SESN1: variants seen among roughly 807,000 people sequenced by gnomAD.
SESN1 encodes sestrin 1, also known as sestrin-1.
Under a neutral mutation model 59.3 loss-of-function variants are expected in SESN1, and 30 were observed. That is an observed-to-expected ratio of 0.51 (90% CI 0.38 to 0.69). The LOEUF (loss-of-function observed/expected upper bound fraction) is 0.69, where lower values mean the gene tolerates loss of function less well. Ranked by LOEUF, SESN1 falls within the 30% of genes least tolerant of loss-of-function variation. SESN1 has a pLI of 0.00. For synonymous variants in SESN1, 197 were observed against 219.9 expected (o/e 0.90, Z 0.92); for missense variants, 566 against 673.0 (o/e 0.84, Z 1.76).
chr6:109,036,319 G>A (rs889271425), intron 1 of SESN1, among the ~76,000 whole-genome samples: 6 of 152,198 alleles, frequency 3.9e-5, no homozygotes, highest in African/African-American at 1.4e-4. Context: ...ATTTGTCTGA[G>A]TGAAAAAGTA....
intron 1 of SESN1, among the ~76,000 whole-genome samples, chr6:109,054,441 T>A (rs1191964114): frequency 2.0e-5 from 3 of 152,176 alleles, no homozygotes; most frequent in Non-Finnish European, 2.9e-5. Context: ...AGAGCTCTAT[T>A]GTGAAGAAAT....
intron 5 of SESN1, among the ~76,000 whole-genome samples, chr6:108,994,820 G>A (rs574820380): frequency 1.1e-4 from 16 of 149,952 alleles, no homozygotes; most frequent in African/African-American, 3.4e-4. Flanking sequence ...CTCCTGCCTC[G>A]GCCTCCCGAG....
At position 108,985,623 on chromosome 6, in the gene SESN1, G is replaced by A. The variant is rs1352278148; in HGVS notation, c.*1921C>T. On this transcript the variant is annotated 3_prime_UTR_variant, in exon 10 of 10. Coordinates refer to ENST00000436639, the MANE Select transcript of SESN1 (RefSeq NM_014454.3). ...GATTTCAATTTCTAAGTGATTATAA[G>A]TTCCAGTGGACTAAATGCATTCTAG... Among the ~76,000 whole-genome samples, 1 of 152,156 alleles carries A rather than the reference G, an allele frequency of 6.6e-6. No individual in the cohort carries two copies. The highest frequency in any genetic ancestry group is 2.4e-5 in the African/African-American group (1 of 41,420).
At chr6:109,044,709 G>A (rs940072108) in intron 1 of SESN1, among the ~76,000 whole-genome samples, 11 of 151,846 alleles carry the variant, frequency 7.2e-5, no homozygotes, top group African/African-American at 2.7e-4. Flanking sequence ...CAGACATCTC[G>A]AATCAAAAAA....
chr6:109,021,079 G>A (rs758642273), intron 1 of SESN1, among the ~76,000 whole-genome samples: 3 of 151,944 alleles, frequency 2.0e-5, no homozygotes, highest in Non-Finnish European at 2.9e-5. Context: ...CAGCAGCCTC[G>A]AACTCTTGGG....
intron 1 of SESN1, among the ~76,000 whole-genome samples, chr6:109,060,088 C>T (rs1390037397): frequency 2.0e-5 from 3 of 151,852 alleles, no homozygotes; most frequent in Non-Finnish European, 4.4e-5. Context: ...CAATAACAAA[C>T]AACAAAAAAG....
intron 1 of SESN1, among the ~76,000 whole-genome samples, chr6:109,052,475 T>G (rs1232542847): frequency 6.6e-6 from 1 of 152,198 alleles, no homozygotes. Flanking sequence ...CTCTTTCTTA[T>G]GTATATTTTT....
chr6:109,030,852 T>C (rs1195821840), intron 1 of SESN1, among the ~76,000 whole-genome samples: 2 of 152,222 alleles, frequency 1.3e-5, no homozygotes, highest in Admixed American at 6.5e-5. Flanking sequence ...AGAAATGTCA[T>C]ACAACTGACA....
intron 1 of SESN1, among the ~76,000 whole-genome samples, chr6:109,035,808 A>G (rs939230621): frequency 6.6e-5 from 10 of 152,046 alleles, no homozygotes; most frequent in Admixed American, 2.0e-4. Context: ...GAGTCTTGCT[A>G]TGTTACTTAG....
chr6:109,020,166 G>A (rs1354418296), intron 1 of SESN1, among the ~76,000 whole-genome samples: 1 of 152,182 alleles, frequency 6.6e-6, no homozygotes, highest in Non-Finnish European at 1.5e-5. Context: ...AGATACCGGT[G>A]AGGCCTAAGC....
At chr6:109,044,774 A>C (rs1432935066) in intron 1 of SESN1, among the ~76,000 whole-genome samples, 1 of 152,202 alleles carries the variant, frequency 6.6e-6, no homozygotes, top group African/African-American at 2.4e-5. Flanking sequence ...CTGTAATCCC[A>C]GCACTTTGGG....
At chr6:109,069,050 A>C (rs770093047) in intron 1 of SESN1, among the ~76,000 whole-genome samples, 11 of 152,112 alleles carry the variant, frequency 7.2e-5, no homozygotes, top group Non-Finnish European at 1.5e-4. Context: ...GATAAATGAA[A>C]GCATCTTAAG....
intron 1 of SESN1, among the ~76,000 whole-genome samples, chr6:109,083,144 C>T (rs1041551552): frequency 3.9e-5 from 6 of 152,032 alleles, no homozygotes; most frequent in Non-Finnish European, 7.4e-5. Context: ...TAGAACCATA[C>T]CACAAGGGAG....
At chr6:109,020,351 T>TA (rs1339437599) in intron 1 of SESN1, among the ~76,000 whole-genome samples, 1 of 152,236 alleles carries the variant, frequency 6.6e-6, no homozygotes, top group Non-Finnish European at 1.5e-5. Context: ...TTATGCCAGA[T>TA]ACTGTATACA....
chr6:108,992,875 C>G lies in SESN1; in HGVS notation c.1145G>C (p.Arg382Thr). 6.2e-7 allele frequency: 1 copy of G among 1,612,666 alleles called. No individual in the cohort carries two copies. Among genetic ancestry groups the G allele is most frequent in the East Asian group, 2.2e-5 (1 of 44,786 alleles). The part of the protein sequence containing the change: ...SSDDEEVTPA[R>T]AVSRHFEDTS... Reference sequence around the variant, plus strand: ...ATCCTCAAAATGACGAGATACAGCTCTTGCTGGTGTAACTTCTTCATCATC... The same window carrying G: ...ATCCTCAAAATGACGAGATACAGCTGTTGCTGGTGTAACTTCTTCATCATC... The change falls in exon 7 of 10, where the codon AGA (arginine) becomes ACA (threonine). Residue 382 changes from arginine (R) to threonine (T), a missense_variant. By Grantham distance (71) the Arg-to-Thr change is moderately conservative (BLOSUM62 -1). Coordinates refer to ENST00000436639, the MANE Select transcript of SESN1 (RefSeq NM_014454.3).
Position 108,988,583 on chromosome 6 carries a change from A to T in SESN1, c.1529T>A (p.Met510Lys). Residue 510 changes from methionine (M) to lysine (K), a missense_variant, in exon 9 of 10, where the codon ATG becomes AAG. Physicochemically the swap from Met to Lys is moderately conservative, Grantham distance 95 (BLOSUM62 -1). Coordinates refer to ENST00000436639, the MANE Select transcript of SESN1 (RefSeq NM_014454.3). ...GAACTGCCTCCAGAAGCTATCATAC[A>T]TTCTTTTGGTAACCTTTTCAGGAGT... The part of the protein sequence containing the change: ...VCTPEKVTKR[M>K]YDSFWRQFKH... 6.2e-7 allele frequency: 1 copy of T among 1,613,332 alleles called. No homozygotes were observed. Among genetic ancestry groups the T allele is most frequent in the Non-Finnish European group, 8.5e-7 (1 of 1,179,708 alleles).
At chr6:109,031,527 T>C (rs1335682400) in intron 1 of SESN1, among the ~76,000 whole-genome samples, 1 of 152,144 alleles carries the variant, frequency 6.6e-6, no homozygotes, top group African/African-American at 2.4e-5. Context: ...CCCCTCATCT[T>C]CAGCCTAAAG....
intron 1 of SESN1, among the ~76,000 whole-genome samples, chr6:109,076,157 C>T (rs926837821): frequency 3.3e-5 from 5 of 152,170 alleles, no homozygotes; most frequent in Non-Finnish European, 7.3e-5. Flanking sequence ...ATAAATCATC[C>T]ATCTTTATTA....
intron 2 of SESN1, among the ~76,000 whole-genome samples, chr6:109,001,850 T>C (rs1361415273): frequency 6.6e-6 from 1 of 152,158 alleles, no homozygotes; most frequent in East Asian, 1.9e-4. Flanking sequence ...TAAGGAGAAC[T>C]AAAATTAACT....
Sources: allele counts gnomAD v4.1 joint callset (sites outside exome capture counted in the v4.1 genomes callset), GRCh38; gene constraint gnomAD v4.1.1; transcripts MANE v1.5; gene names NCBI Gene and HGNC (gene_info 2026-07-23, HGNC 2026-07-21).